ZNF704: variants seen among roughly 807,000 people sequenced by gnomAD.
The protein encoded by ZNF704 is glucocorticoid induced gene 1.
ZNF704 carries 10 observed loss-of-function variants against 44.7 expected under a neutral mutation model. The observed-to-expected ratio is 0.22, with a 90% CI of 0.14 to 0.38. ZNF704 has a LOEUF of 0.38. Among genes scored for constraint, ZNF704 ranks in the 10% least tolerant of loss-of-function variants. The pLI is 1.00. For synonymous variants in ZNF704, 211 were observed against 207.6 expected, an observed-to-expected ratio of 1.02 and a Z score of -0.14; for missense variants, 390 against 545.5, an observed-to-expected ratio of 0.71 and a Z score of 2.84.
intron 1 of ZNF704, among the ~76,000 whole-genome samples, chr8:80,845,185 T>TA (rs1413327174): frequency 6.6e-6 from 1 of 152,204 alleles, no homozygotes; most frequent in Non-Finnish European, 1.5e-5. Context: ...GCCATGCCCT[T>TA]CCTCACTCTT....
intron 1 of ZNF704, among the ~76,000 whole-genome samples, chr8:80,829,777 T>A (rs988778522): frequency 6.6e-6 from 1 of 152,154 alleles, no homozygotes; most frequent in Non-Finnish European, 1.5e-5. Context: ...AGTAAAAAAA[T>A]TAATCTCTCA....
intron 1 of ZNF704, among the ~76,000 whole-genome samples, chr8:80,865,329 T>C (rs185127569): frequency 2.6e-5 from 4 of 152,338 alleles, no homozygotes; most frequent in Admixed American, 6.5e-5. Context: ...AGTAACTTGA[T>C]GTAGCCATGC....
chr8:80,712,874 T>G lies in ZNF704; in HGVS notation c.222-19767A>C, dbSNP rs559954309. On this transcript the variant is annotated intron_variant, in intron 2 of 8. Coordinates refer to ENST00000327835, the MANE Select transcript of ZNF704 (RefSeq NM_001033723.3). ...TTGTAGATGGTTGAAGTAGGGGTTTTTTTGTTTGTTTGTTTGTTTTGGTTT... is the reference window on the plus strand; with the variant it reads ...TTGTAGATGGTTGAAGTAGGGGTTTGTTTGTTTGTTTGTTTGTTTTGGTTT... 1.5e-3 allele frequency among the ~76,000 whole-genome samples: 227 copies of G among 151,698 alleles called. 1 individual carries two copies. Among genetic ancestry groups the G allele is most frequent in the African/African-American group, 4.9e-3 (201 of 41,230 alleles).
intron 2 of ZNF704, among the ~76,000 whole-genome samples, chr8:80,773,378 T>C (rs1807357375): frequency 1.3e-5 from 2 of 152,228 alleles, no homozygotes; most frequent in Admixed American, 6.5e-5. Context: ...CCAGTTGAAG[T>C]GGAGTACAGA....
Position 80,676,531 on chromosome 8 carries a change from G to C in ZNF704, c.559-5928C>G, listed in dbSNP as rs540531982. On this transcript the variant is annotated intron_variant, in intron 4 of 8. Coordinates refer to ENST00000327835, the MANE Select transcript of ZNF704 (RefSeq NM_001033723.3). ...GTTAATTTGCTAATTTGGTGGAGAA[G>C]GGAAAAAAAGGAATTCCTGTATGAC... Among the ~76,000 whole-genome samples the C allele has an allele frequency of 4.6e-5, 7 of 152,068 alleles. No homozygotes were observed. In the South Asian group the frequency reaches 1.5e-3, roughly 32 times the overall value.
intron 7 of ZNF704, among the ~76,000 whole-genome samples, chr8:80,646,700 C>T (rs1411205342): frequency 6.6e-6 from 1 of 152,162 alleles, no homozygotes; most frequent in Admixed American, 6.5e-5. Context: ...GAATCCTCCT[C>T]ACCCCATCTC....
At chr8:80,771,447 TTTTC>T (rs1807318437) in intron 2 of ZNF704, among the ~76,000 whole-genome samples, 2 of 152,138 alleles carry the variant, frequency 1.3e-5, no homozygotes, top group East Asian at 1.9e-4. Context: ...AGTATATATT[TTTTC>T]TTTGAGAAAT....
At chr8:80,853,380 T>A (rs564708844) in intron 1 of ZNF704, among the ~76,000 whole-genome samples, 1 of 152,222 alleles carries the variant, frequency 6.6e-6, no homozygotes, top group Admixed American at 6.5e-5. Context: ...AAAACAACAA[T>A]CTATGAAAAA....
At chr8:80,666,200 T>G (rs1818191768) in intron 5 of ZNF704, among the ~76,000 whole-genome samples, 1 of 145,486 alleles carries the variant, frequency 6.9e-6, no homozygotes. Context: ...CACCTATGAG[T>G]GAGAATATGC....
At chr8:80,862,413 A>G (rs1586083019) in intron 1 of ZNF704, among the ~76,000 whole-genome samples, 1 of 152,100 alleles carries the variant, frequency 6.6e-6, no homozygotes, top group East Asian at 1.9e-4. Flanking sequence ...AGGAAGACCT[A>G]TTTGAATGGA....
chr8:80,704,699 C>A (rs572862820), intron 2 of ZNF704, among the ~76,000 whole-genome samples: 4 of 152,338 alleles, frequency 2.6e-5, no homozygotes, highest in South Asian at 4.1e-4. Context: ...GTTTGGAGAG[C>A]TTCCAGACAG....
intron 2 of ZNF704, chr8:80,777,104 G>A (rs1157120497): frequency 6.6e-6 from 1 of 151,936 alleles, no homozygotes; most frequent in African/African-American, 2.4e-5. Context: ...GGAGAGGAAG[G>A]GCAAAGTTAT....
chr8:80,629,377 TAACC>T lies in ZNF704; in HGVS notation c.*11985_*11988del, dbSNP rs1817549082. The T allele has an allele frequency of 1.3e-5, 2 of 152,230 alleles. No homozygotes were observed. The highest frequency in any genetic ancestry group is 6.5e-5 in the Admixed American group (1 of 15,288). The allele number at this position is 152,230 out of a possible 1,614,324, so 9.4% of individuals were successfully genotyped here. A position where few individuals can be genotyped will look rare whatever the true frequency, so the allele number is the denominator to read the frequency against. On this transcript the variant is annotated 3_prime_UTR_variant, in exon 9 of 9. Coordinates refer to ENST00000327835, the MANE Select transcript of ZNF704 (RefSeq NM_001033723.3). ...TAATTAGGTAGCAAACAATCCAGTA[TAACC>T]TTAAGTACCAGGTTTAGAAATGCGT...
chr8:80,631,009 T>A lies in ZNF704; in HGVS notation c.*10357A>T, dbSNP rs573172737. ...TAGTTCTTCCCTAAAAAGCTAAGTCTTTTCTAAAGCTTTCTACCAATGACC... is the reference window on the plus strand; with the variant it reads ...TAGTTCTTCCCTAAAAAGCTAAGTCATTTCTAAAGCTTTCTACCAATGACC... On this transcript the variant is annotated 3_prime_UTR_variant, in exon 9 of 9. Transcript: ENST00000327835. The A allele has an allele frequency of 6.6e-6, 1 of 152,284 alleles. No homozygotes were observed. The highest frequency in any genetic ancestry group is 2.1e-4 in the South Asian group (1 of 4,826). The allele number at this position is 152,284 out of a possible 1,614,324, so 9.4% of individuals were successfully genotyped here. A position where few individuals can be genotyped will look rare whatever the true frequency, so the allele number is the denominator to read the frequency against.
At chr8:80,800,767 A>C (rs538056023) in intron 2 of ZNF704, among the ~76,000 whole-genome samples, 3 of 152,270 alleles carry the variant, frequency 2.0e-5, no homozygotes, top group African/African-American at 7.2e-5. Flanking sequence ...TCTGCAAAAC[A>C]ACCAGCTAGC....
chr8:80,701,166 G>A (rs1029812658), intron 2 of ZNF704, among the ~76,000 whole-genome samples: 9 of 140,914 alleles, frequency 6.4e-5, no homozygotes, highest in Middle Eastern at 3.2e-3. Flanking sequence ...GCTCTTTACT[G>A]TCCACCTCAG....
At chr8:80,659,781 G>T (rs557693393) in intron 6 of ZNF704, 92 bp from the exon 7 acceptor site, 3 of 1,117,756 alleles carry the variant, frequency 2.7e-6, no homozygotes, top group Non-Finnish European at 2.7e-6. Flanking sequence ...CTCAGAAATG[G>T]TCTCAGCTAT....
chr8:80,808,533 C>T (rs745568039), intron 2 of ZNF704, among the ~76,000 whole-genome samples: 25 of 152,186 alleles, frequency 1.6e-4, no homozygotes, highest in East Asian at 1.9e-4. Context: ...CTTGTTAGTC[C>T]GGAAAAATAA....
chr8:80,787,656 A>C (rs1188064800), intron 2 of ZNF704, among the ~76,000 whole-genome samples: 1 of 152,180 alleles, frequency 6.6e-6, no homozygotes, highest in Middle Eastern at 3.4e-3. Flanking sequence ...TTATTGCCTC[A>C]TGTTTACCCC....
Sources: gnomAD v4.1 joint callset for allele counts (sites outside exome capture counted in the v4.1 genomes callset) on GRCh38, gnomAD v4.1.1 for gene constraint, MANE v1.5 for transcripts, NCBI Gene and HGNC (gene_info 2026-07-23, HGNC 2026-07-21) for gene names.